The following ABCC6 variants were observed in gnomAD, a reference collection of about 807,000 sequenced individuals.
ABCC6 encodes the protein ATP binding cassette subfamily C member 6.
A neutral mutation model predicts 169.5 loss-of-function variants in ABCC6; 126 were observed. That is an observed-to-expected ratio of 0.74 (90% CI 0.64 to 0.86). ABCC6 has a LOEUF of 0.86. ABCC6 is among the 40% of genes least tolerant of loss of function. ABCC6 has a pLI of 0.00. For synonymous variants in ABCC6, 752 were observed against 814.7 expected, an observed-to-expected ratio of 0.92 and a Z score of 1.31; for missense variants, 1,733 against 1,927.2, an observed-to-expected ratio of 0.90 and a Z score of 1.89.
chr16:16,192,877 G>A lies in ABCC6; in HGVS notation c.1384C>T (p.Leu462Phe). 6.2e-7 allele frequency: 1 copy of A among 1,614,162 alleles called. No homozygotes were observed. The highest frequency in any genetic ancestry group is 1.1e-5 in the South Asian group (1 of 91,076). ...ALTAIAVFLS[L>F]LPLNFFISKK... ...GAGATGAAGAAATTCAGAGGGAGGAGGCTCAGGAAGACAGCGATGGCAGTG... is the reference window on the plus strand; with the variant it reads ...GAGATGAAGAAATTCAGAGGGAGGAAGCTCAGGAAGACAGCGATGGCAGTG... Residue 462 changes from leucine (L) to phenylalanine (F), a missense_variant, in exon 11 of 31, where the codon CTC (leucine) becomes TTC (phenylalanine). Leu to Phe is a conservative substitution (Grantham distance 22). Transcript: ENST00000205557.
chr16:16,201,942 C>T lies in ABCC6; in HGVS notation c.1176+59G>A, dbSNP rs139880351. 2,492 of 1,604,932 alleles carry T rather than the reference C, an allele frequency of 1.6e-3. 6 individuals carry two copies. Among genetic ancestry groups the T allele is most frequent in the Admixed American group, 3.5e-3 (211 of 59,970 alleles). On this transcript the variant is annotated intron_variant, in intron 9 of 30. Coordinates refer to ENST00000205557, the MANE Select transcript of ABCC6 (RefSeq NM_001171.6). ...CTCAGCTGCTGATAACATTACTGCC[C>T]GCTCAGTGATACTGCTTTTCCTGGC...
chr16:16,178,669 C>G, intron 18 of ABCC6, 129 bp downstream of exon 18: 1 of 1,070,340 alleles, frequency 9.3e-7, no homozygotes, highest in Admixed American at 1.7e-5. Flanking sequence ...ACAGCAAAAG[C>G]TGACCAATAC....
chr16:16,210,788 T>C (rs562757862), intron 6 of ABCC6, among the ~76,000 whole-genome samples: 212 of 152,218 alleles, frequency 1.4e-3, no homozygotes, highest in Middle Eastern at 6.8e-3. Flanking sequence ...GCCTGATATT[T>C]TTCATTTATT....
chr16:16,165,553 T>C, intron 23 of ABCC6, 70 bp downstream of exon 23: 1 of 1,549,470 alleles, frequency 6.5e-7, no homozygotes, highest in Admixed American at 1.7e-5. Flanking sequence ...ATATGGAGTC[T>C]TCCCCAGAGA....
intron 29 of ABCC6, among the ~76,000 whole-genome samples, chr16:16,151,301 C>T (rs537733520): frequency 2.6e-5 from 4 of 152,254 alleles, no homozygotes; most frequent in Admixed American, 2.6e-4. Context: ...GGTGATCCAC[C>T]TACCTCAGCC....
chr16:16,154,520 A>T, intron 29 of ABCC6, 108 bp downstream of exon 29: 1 of 1,371,210 alleles, frequency 7.3e-7, no homozygotes. Flanking sequence ...TTAATGTAAC[A>T]GAGTGATAAT....
At chr16:16,206,856 G>A (rs756674815) in intron 7 of ABCC6, among the ~76,000 whole-genome samples, 1 of 152,154 alleles carries the variant, frequency 6.6e-6, no homozygotes, top group African/African-American at 2.4e-5. Flanking sequence ...TAGAGGGTGA[G>A]TCAGGTGCAG....
intron 8 of ABCC6, among the ~76,000 whole-genome samples, chr16:16,203,180 G>A (rs1596717814): frequency 1.3e-5 from 2 of 152,194 alleles, no homozygotes; most frequent in South Asian, 4.1e-4. Context: ...GCATTTTACA[G>A]CAAAAACTAA....
intron 6 of ABCC6, 96 bp downstream of exon 6, chr16:16,212,089 T>G: frequency 1.3e-6 from 1 of 766,100 alleles, no homozygotes; most frequent in South Asian, 1.5e-5. Context: ...CTTGCTGGCC[T>G]TTGTAAGCAC....
chr16:16,170,311 G>A (rs1390452855), intron 21 of ABCC6, among the ~76,000 whole-genome samples: 1 of 152,012 alleles, frequency 6.6e-6, no homozygotes, highest in Non-Finnish European at 1.5e-5. Context: ...TGTTGCCCAG[G>A]CTAGTCTCAG....
chr16:16,175,401 C>G (rs796944144), intron 20 of ABCC6, among the ~76,000 whole-genome samples: 24 of 152,324 alleles, frequency 1.6e-4, no homozygotes, highest in African/African-American at 5.5e-4. Flanking sequence ...CTGCCGACAG[C>G]TCCACAGTGA....
intron 1 of ABCC6, among the ~76,000 whole-genome samples, chr16:16,222,674 A>G (rs2049112907): frequency 6.6e-6 from 1 of 151,836 alleles, no homozygotes; most frequent in African/African-American, 2.4e-5. Flanking sequence ...CCACCGGCCC[A>G]GCTTGATCTG....
At position 16,185,949 on chromosome 16, in the gene ABCC6, G is replaced by A. The variant is rs147767103; in HGVS notation, c.1868-915C>T. 6.4e-3 allele frequency among the ~76,000 whole-genome samples: 979 copies of A among 152,232 alleles called. 10 individuals are homozygous for A. The highest frequency in any genetic ancestry group is 0.022 in the African/African-American group (927 of 41,538). ...TTAGCCCAGATCAATTAAATTCATC[G>A]TCACAATTAGCTGCTATAACGATTA... On this transcript the variant is annotated intron_variant, in intron 14 of 30. Coordinates refer to ENST00000205557, the MANE Select transcript of ABCC6 (RefSeq NM_001171.6).
At position 16,182,580 on chromosome 16, in the gene ABCC6, C is replaced by A; in HGVS notation, c.2079G>T (p.Val693=). The part of the protein sequence containing the change: ...VEGFVSIEGA[V]AYVPQEAWVQ... The stretch of plus-strand genomic sequence containing the variant: ...CCCAGGCCTCCTGGGGCACGTAGGC[C>A]ACAGCACCCTAAAACACAACTTACT... The change falls in exon 17 of 31, where the codon GTG becomes GTT. Residue 693 remains valine, a synonymous_variant. Coordinates refer to ENST00000205557, the MANE Select transcript of ABCC6 (RefSeq NM_001171.6). 6.2e-7 allele frequency: 1 copy of A among 1,612,328 alleles called. No individual in the cohort carries two copies. The highest frequency in any genetic ancestry group is 8.5e-7 in the Non-Finnish European group (1 of 1,178,708).
At chr16:16,208,941 C>A in intron 6 of ABCC6, 82 bp from the exon 7 acceptor site, 1 of 1,611,432 alleles carries the variant, frequency 6.2e-7, no homozygotes, top group Non-Finnish European at 8.5e-7. Context: ...CTGTGTGACC[C>A]TGGGTAAGTC....
chr16:16,196,358 G>A (rs1364494361), intron 10 of ABCC6, among the ~76,000 whole-genome samples: 2 of 152,214 alleles, frequency 1.3e-5, no homozygotes, highest in African/African-American at 4.8e-5. Context: ...TGCACTCCAA[G>A]GGCAGAGATG....
chr16:16,199,982 T>C (rs12599332), intron 9 of ABCC6, among the ~76,000 whole-genome samples: 53,702 of 150,342 alleles, frequency 0.36, 10,203 homozygotes, highest in Admixed American at 0.43. Context: ...GCAGGACAAT[T>C]GCTTGAACCC....
At chr16:16,182,352 G>T (rs1021064946) in intron 17 of ABCC6, 60 bp downstream of exon 17, 5 of 1,598,066 alleles carry the variant, frequency 3.1e-6, no homozygotes, top group African/African-American at 1.3e-5. Context: ...ATGAGTCGGG[G>T]ACCCAAATGA....
At chr16:16,216,201 T>G (rs1050046648) in intron 4 of ABCC6, among the ~76,000 whole-genome samples, 2 of 152,216 alleles carry the variant, frequency 1.3e-5, no homozygotes, top group African/African-American at 4.8e-5. Flanking sequence ...GAATTACAGG[T>G]GTGAGCCACT....
Sources: allele counts gnomAD v4.1 joint callset (sites outside exome capture counted in the v4.1 genomes callset), GRCh38; gene constraint gnomAD v4.1.1; transcripts MANE v1.5; gene names NCBI Gene and HGNC (gene_info 2026-07-23, HGNC 2026-07-21).